The following NTRK3 variants were observed in gnomAD, a reference collection of about 807,000 sequenced individuals.
The protein encoded by NTRK3 is NT-3 growth factor receptor.
A neutral mutation model predicts 91.7 loss-of-function variants in NTRK3; 24 were observed. That is an observed-to-expected ratio of 0.26 (90% confidence interval 0.19 to 0.37). The LOEUF is 0.37. Among genes scored for constraint, NTRK3 ranks in the 10% least tolerant of loss-of-function variants. NTRK3 has a pLI of 1.00. For missense variants in NTRK3, 880 were observed against 1,068.9 expected (o/e 0.82, Z 2.46); for synonymous variants, 483 against 404.0 (o/e 1.20, Z -2.34).
At chr15:88,165,741 G>A (rs1317972703) in intron 5 of NTRK3, among the ~76,000 whole-genome samples, 2 of 152,210 alleles carry the variant, frequency 1.3e-5, no homozygotes, top group Admixed American at 1.3e-4. Context: ...ATGGCTCAGA[G>A]GTGAGATAGC....
At chr15:88,160,077 G>T (rs369783498) in intron 5 of NTRK3, among the ~76,000 whole-genome samples, 1 of 151,994 alleles carries the variant, frequency 6.6e-6, no homozygotes, top group Non-Finnish European at 1.5e-5. Flanking sequence ...TGAGGGTCCC[G>T]GGATGAGTGG....
intron 17 of NTRK3, among the ~76,000 whole-genome samples, chr15:87,926,322 A>G (rs2068304919): frequency 6.6e-6 from 1 of 152,354 alleles, no homozygotes; most frequent in Non-Finnish European, 1.5e-5. Flanking sequence ...AAGATATGCC[A>G]CAAGCTGGTC....
In NTRK3 at chr15:87,951,919, G is replaced by C. The variant is rs535356245; in HGVS notation, c.1586-11166C>G. Among the ~76,000 whole-genome samples, 3 of 152,254 alleles carry C rather than the reference G, an allele frequency of 2.0e-5. No individual in the cohort carries two copies. The East Asian group carries it at 5.8e-4, about 29-fold the overall frequency. ...AGGCAGATAGATCACCTGAGGTCAG[G>C]AGTTTGAGACCAGCCTGGCCAATAT... On this transcript the variant is annotated intron_variant, in intron 14 of 18. Transcript: ENST00000394480.
chr15:88,118,061 G>A (rs2052303284), intron 13 of NTRK3, among the ~76,000 whole-genome samples: 1 of 152,230 alleles, frequency 6.6e-6, no homozygotes, highest in Non-Finnish European at 1.5e-5. Context: ...CCGGGGATTT[G>A]CAGCCGTTGG....
chr15:88,038,622 T>C (rs918597566), intron 13 of NTRK3, among the ~76,000 whole-genome samples: 5 of 152,170 alleles, frequency 3.3e-5, no homozygotes, highest in African/African-American at 1.2e-4. Context: ...AGGGAGGCTG[T>C]GCATGGGTAG....
At chr15:88,232,518 T>C (rs949714799) in intron 3 of NTRK3, among the ~76,000 whole-genome samples, 1 of 152,208 alleles carries the variant, frequency 6.6e-6, no homozygotes, top group African/African-American at 2.4e-5. Context: ...ATAATTATAT[T>C]CCTTAAATCA....
intron 13 of NTRK3, among the ~76,000 whole-genome samples, chr15:88,088,986 A>G (rs1021854417): frequency 1.7e-4 from 26 of 152,170 alleles, no homozygotes; most frequent in African/African-American, 6.3e-4. Flanking sequence ...TGTACTGAAT[A>G]TAGTTCCTGA....
intron 10 of NTRK3, among the ~76,000 whole-genome samples, chr15:88,132,851 C>T (rs527685923): frequency 1.3e-5 from 2 of 152,296 alleles, no homozygotes; most frequent in African/African-American, 4.8e-5. Flanking sequence ...AATCTTCCCA[C>T]AGGGTGACCC....
exon 19 of NTRK3, chr15:87,871,150 C>A (rs1157497141): frequency 2.2e-5 from 5 of 231,242 alleles, no homozygotes; most frequent in Non-Finnish European, 4.3e-5. Context: ...CACCCCAATC[C>A]AACCTCCACA....
intron 14 of NTRK3, among the ~76,000 whole-genome samples, chr15:88,010,166 C>T (rs533761215): frequency 4.1e-4 from 62 of 152,298 alleles, no homozygotes; most frequent in Non-Finnish European, 7.2e-4. Context: ...GTCCAGGCTT[C>T]CAGGCCTCAG....
chr15:88,114,839 A>T (rs534036373), intron 13 of NTRK3, among the ~76,000 whole-genome samples: 1 of 152,340 alleles, frequency 6.6e-6, no homozygotes, highest in African/African-American at 2.4e-5. Context: ...CCTTTCAGAA[A>T]CATTAAATAC....
intron 3 of NTRK3, among the ~76,000 whole-genome samples, chr15:88,221,546 C>A (rs2050236249): frequency 6.6e-6 from 1 of 152,142 alleles, no homozygotes; most frequent in African/African-American, 2.4e-5. Flanking sequence ...AATCCCAACA[C>A]CTGGGAGGCT....
intron 14 of NTRK3, chr15:87,979,243 A>C: frequency 1.1e-6 from 1 of 895,370 alleles, no homozygotes; most frequent in Middle Eastern, 2.1e-4. Context: ...GTTTCTACTT[A>C]GCATCCCTGG....
intron 14 of NTRK3, among the ~76,000 whole-genome samples, chr15:88,026,715 A>C (rs1386607082): frequency 6.6e-6 from 1 of 152,220 alleles, no homozygotes; most frequent in Non-Finnish European, 1.5e-5. Context: ...ATAATAGAGA[A>C]AACTGTAGTG....
chr15:87,882,237 T>C (rs916143616), intron 17 of NTRK3, among the ~76,000 whole-genome samples: 7 of 152,152 alleles, frequency 4.6e-5, no homozygotes, highest in Non-Finnish European at 8.8e-5. Context: ...ATCAGGATAG[T>C]TTTGTATCCA....
chr15:87,982,317 T>A (rs1245137146), intron 14 of NTRK3, among the ~76,000 whole-genome samples: 1 of 152,136 alleles, frequency 6.6e-6, no homozygotes, highest in African/African-American at 2.4e-5. Context: ...AGGCATTTAC[T>A]GGGGGAAGAG....
At chr15:87,864,646 A>G (rs532044094) in exon 19 of NTRK3, 105 of 231,038 alleles carry the variant, frequency 4.5e-4, no homozygotes, top group Admixed American at 1.7e-3. Flanking sequence ...CCAAATAGAT[A>G]AAGCATCCCC....
At chr15:88,113,102 A>G (rs1175693766) in intron 13 of NTRK3, among the ~76,000 whole-genome samples, 1 of 152,128 alleles carries the variant, frequency 6.6e-6, no homozygotes, top group African/African-American at 2.4e-5. Context: ...CCCAGTCATT[A>G]CTGATCATGT....
intron 17 of NTRK3, chr15:87,925,434 C>T (rs1363656091): frequency 3.3e-5 from 6 of 180,860 alleles, no homozygotes; most frequent in Non-Finnish European, 6.8e-5. Flanking sequence ...GGCAAGCACA[C>T]GTGTATGCAC....
Sources: gnomAD v4.1 joint callset for allele counts (sites outside exome capture counted in the v4.1 genomes callset) on GRCh38, gnomAD v4.1.1 for gene constraint, MANE v1.5 for transcripts, NCBI Gene and HGNC (gene_info 2026-07-23, HGNC 2026-07-21) for gene names.